PABPC4L: variants seen among roughly 807,000 people sequenced by gnomAD.
The protein encoded by PABPC4L is poly(A) binding protein cytoplasmic 4 like, also known as polyadenylate-binding protein 4-like.
For missense variants in PABPC4L, 452 were observed against 451.4 expected (o/e 1.00, Z -0.01); for synonymous variants, 169 against 164.1 (o/e 1.03, Z -0.23).
chr4:134,104,636 G>T, the PABPC4L span, among the ~76,000 whole-genome samples: 1 of 151,600 alleles, frequency 6.6e-6, no homozygotes, highest in Non-Finnish European at 1.5e-5. Flanking sequence ...AAAATATGGT[G>T]CCTCTTCCAA....
At chr4:134,094,062 T>A in the PABPC4L span, among the ~76,000 whole-genome samples, 2 of 152,064 alleles carry the variant, frequency 1.3e-5, no homozygotes, top group Admixed American at 6.6e-5. Context: ...AAAGAAAAGC[T>A]TCTTTTTCTC....
At chr4:133,966,437 C>T in the PABPC4L span, among the ~76,000 whole-genome samples, 3 of 152,254 alleles carry the variant, frequency 2.0e-5, no homozygotes, top group Admixed American at 6.5e-5. Flanking sequence ...CCATTTGAAC[C>T]AGCAATCCCA....
At chr4:134,142,567 A>C in the PABPC4L span, among the ~76,000 whole-genome samples, 1 of 151,720 alleles carries the variant, frequency 6.6e-6, no homozygotes, top group South Asian at 2.1e-4. Context: ...GCCTCATATA[A>C]ATTTTTTTTA....
chr4:134,077,992 A>T, the PABPC4L span, among the ~76,000 whole-genome samples: 3 of 152,194 alleles, frequency 2.0e-5, no homozygotes, highest in Non-Finnish European at 4.4e-5. Context: ...AAAACAAAAA[A>T]CAGAGATTCA....
chr4:134,161,247 G>GA, the PABPC4L span, among the ~76,000 whole-genome samples: 128 of 142,368 alleles, frequency 9.0e-4, no homozygotes, highest in African/African-American at 1.8e-3. Context: ...AGTCAGAGAA[G>GA]AAAAAAAAAA....
chr4:134,109,526 T>C, the PABPC4L span, among the ~76,000 whole-genome samples: 1 of 151,832 alleles, frequency 6.6e-6, no homozygotes, highest in Non-Finnish European at 1.5e-5. Context: ...GAAAGAAAAA[T>C]AATGTCCCTA....
the PABPC4L span, among the ~76,000 whole-genome samples, chr4:134,185,180 C>T: frequency 1.0e-3 from 159 of 151,966 alleles, 1 homozygote; most frequent in Non-Finnish European, 4.4e-4. Flanking sequence ...TTACTTTGCA[C>T]GAATTGTGTC....
the PABPC4L span, among the ~76,000 whole-genome samples, chr4:134,086,805 T>G: frequency 6.6e-6 from 1 of 151,968 alleles, no homozygotes; most frequent in African/African-American, 2.4e-5. Flanking sequence ...TTGTTTTTTT[T>G]TCTTTTATTA....
At chr4:134,017,520 G>C in the PABPC4L span, among the ~76,000 whole-genome samples, 30 of 152,078 alleles carry the variant, frequency 2.0e-4, no homozygotes, top group African/African-American at 6.5e-4. Flanking sequence ...AGCCATCACA[G>C]CTGATACCTC....
At chr4:134,002,759 AC>A in the PABPC4L span, among the ~76,000 whole-genome samples, 2 of 152,014 alleles carry the variant, frequency 1.3e-5, no homozygotes, top group Non-Finnish European at 2.9e-5. Flanking sequence ...GTGCAATTAC[AC>A]AACAAGAGAA....
the PABPC4L span, among the ~76,000 whole-genome samples, chr4:134,186,272 C>T: frequency 1.3e-5 from 2 of 152,108 alleles, no homozygotes; most frequent in Non-Finnish European, 2.9e-5. Context: ...CATCATGCTG[C>T]TACCTGACTT....
the PABPC4L span, among the ~76,000 whole-genome samples, chr4:134,145,666 A>G: frequency 6.6e-6 from 1 of 151,900 alleles, no homozygotes; most frequent in East Asian, 1.9e-4. Context: ...GGGCCACAAT[A>G]AAGTTTTTCA....
At chr4:134,043,730 T>C in the PABPC4L span, among the ~76,000 whole-genome samples, 1 of 151,988 alleles carries the variant, frequency 6.6e-6, no homozygotes, top group Non-Finnish European at 1.5e-5. Flanking sequence ...TTAATAACCA[T>C]ATGTAATACA....
the PABPC4L span, among the ~76,000 whole-genome samples, chr4:134,016,164 G>T: frequency 7.9e-5 from 12 of 152,246 alleles, no homozygotes; most frequent in East Asian, 1.9e-3. Flanking sequence ...CTATGCTATA[G>T]TATCTTCCGC....
the PABPC4L span, among the ~76,000 whole-genome samples, chr4:134,104,110 A>C: frequency 2.0e-5 from 3 of 151,738 alleles, no homozygotes; most frequent in Non-Finnish European, 2.9e-5. Flanking sequence ...ATGAATTCTG[A>C]TTCTAGTTAC....
At chr4:134,020,427 T>G in the PABPC4L span, among the ~76,000 whole-genome samples, 1 of 152,136 alleles carries the variant, frequency 6.6e-6, no homozygotes, top group Admixed American at 6.6e-5. Context: ...ATGCCTTTGT[T>G]CTCCAGATAT....
the PABPC4L span, among the ~76,000 whole-genome samples, chr4:134,009,084 T>C: frequency 2.6e-5 from 4 of 151,866 alleles, no homozygotes; most frequent in Non-Finnish European, 5.9e-5. Flanking sequence ...TGAGATTATA[T>C]GTACTTGTAA....
chr4:134,104,340 T>C, the PABPC4L span, among the ~76,000 whole-genome samples: 1 of 151,730 alleles, frequency 6.6e-6, no homozygotes, highest in East Asian at 1.9e-4. Flanking sequence ...AGGCAGTGAC[T>C]CCTTGGCAGT....
the PABPC4L span, among the ~76,000 whole-genome samples, chr4:134,020,583 C>A: frequency 6.6e-6 from 1 of 152,020 alleles, no homozygotes; most frequent in African/African-American, 2.4e-5. Flanking sequence ...CTGGCCCTCA[C>A]TCAAGATGGA....
Sources: gnomAD v4.1 joint callset for allele counts (sites outside exome capture counted in the v4.1 genomes callset) on GRCh38, gnomAD v4.1.1 for gene constraint, MANE v1.5 for transcripts, NCBI Gene and HGNC (gene_info 2026-07-23, HGNC 2026-07-21) for gene names.